Variants in SOX6 observed in about 807,000 individuals in gnomAD.
The protein encoded by SOX6 is transcription factor SOX-6.
Under a neutral mutation model 97.8 loss-of-function variants are expected in SOX6, and 11 were observed. The ratio of observed to expected loss-of-function variants is 0.11; its 90% CI spans 0.07 to 0.19. The LOEUF (loss-of-function observed/expected upper bound fraction) is 0.19. Among genes scored for constraint, SOX6 ranks in the 10% least tolerant of loss-of-function variants. The pLI, the probability that SOX6 is intolerant of heterozygous loss-of-function variation, is 1.00. For missense variants in SOX6, 810 were observed against 1,039.5 expected, an observed-to-expected ratio of 0.78 and a Z score of 3.04; for synonymous variants, 360 against 371.4, an observed-to-expected ratio of 0.97 and a Z score of 0.35.
At chr11:16,529,934 A>T (rs145990408) in intron 4 of SOX6, among the ~76,000 whole-genome samples, 1 of 152,188 alleles carries the variant, frequency 6.6e-6, no homozygotes, top group African/African-American at 2.4e-5. Flanking sequence ...GTGTGGGTGG[A>T]TAAAATGTAC....
intron 1 of SOX6, among the ~76,000 whole-genome samples, chr11:16,468,062 T>C (rs1041256107): frequency 3.3e-5 from 5 of 152,224 alleles, no homozygotes; most frequent in African/African-American, 1.2e-4. Flanking sequence ...TAGGGAAATA[T>C]TCAAATTTAT....
At chr11:16,519,796 G>A (rs1214264810) in intron 4 of SOX6, among the ~76,000 whole-genome samples, 1 of 152,058 alleles carries the variant, frequency 6.6e-6, no homozygotes, top group African/African-American at 2.4e-5. Context: ...TTTCCATAGA[G>A]GTTAATTTAC....
At chr11:16,295,643 C>T (rs992281431) in intron 3 of SOX6, among the ~76,000 whole-genome samples, 51 of 152,104 alleles carry the variant, frequency 3.4e-4, no homozygotes, top group Admixed American at 3.3e-3. Context: ...TCTAACCTTG[C>T]TGACCCCCTC....
At chr11:16,623,286 G>C (rs569204429) in intron 3 of SOX6, among the ~76,000 whole-genome samples, 1 of 152,280 alleles carries the variant, frequency 6.6e-6, no homozygotes, top group African/African-American at 2.4e-5. Flanking sequence ...CTCCCAAAGT[G>C]CTAGGATTAC....
intron 13 of SOX6, among the ~76,000 whole-genome samples, chr11:16,010,125 TACACACACACACACACAC>T (rs67556517): frequency 4.2e-4 from 57 of 135,574 alleles, no homozygotes; most frequent in African/African-American, 1.4e-3. Flanking sequence ...CAGTTGGAGC[TACACACACACACACACAC>T]ACACACACAC....
At chr11:16,302,548 A>ATTTTTTTT (rs367963089) in intron 3 of SOX6, among the ~76,000 whole-genome samples, 1 of 120,660 alleles carries the variant, frequency 8.3e-6, no homozygotes, top group Non-Finnish European at 1.7e-5. Flanking sequence ...CTTCTACAGC[A>ATTTTTTTT]TTTTTTTTTC....
chr11:16,079,546 TTAAATA>T, intron 9 of SOX6, among the ~76,000 whole-genome samples: 1 of 152,278 alleles, frequency 6.6e-6, no homozygotes, highest in Non-Finnish European at 1.5e-5. Flanking sequence ...CATAGATTTA[TTAAATA>T]TAAATTTCAT....
chr11:16,335,367 T>C (rs934690769), intron 2 of SOX6, among the ~76,000 whole-genome samples: 1 of 152,176 alleles, frequency 6.6e-6, no homozygotes, highest in African/African-American at 2.4e-5. Flanking sequence ...TACAGGTTTA[T>C]GGACTTTTTT....
chr11:16,291,270 TATATATAC>T (rs1854905660), intron 3 of SOX6, among the ~76,000 whole-genome samples: 3 of 68,778 alleles, frequency 4.4e-5, no homozygotes, highest in Admixed American at 1.7e-4. Flanking sequence ...TATATATATA[TATATATAC>T]GAGGTGTTGT....
intron 4 of SOX6, among the ~76,000 whole-genome samples, chr11:16,512,582 T>C (rs1860896596): frequency 1.3e-5 from 2 of 152,216 alleles, no homozygotes; most frequent in South Asian, 2.1e-4. Flanking sequence ...AATATATCTG[T>C]ATTATTTCTT....
intron 3 of SOX6, among the ~76,000 whole-genome samples, chr11:16,237,963 G>A (rs1853074664): frequency 6.6e-6 from 1 of 151,732 alleles, no homozygotes; most frequent in African/African-American, 2.4e-5. Context: ...ACCATAATAT[G>A]TACATATTTT....
intron 6 of SOX6, among the ~76,000 whole-genome samples, chr11:16,112,302 T>C (rs1024972788): frequency 6.6e-6 from 1 of 152,230 alleles, no homozygotes; most frequent in African/African-American, 2.4e-5. Flanking sequence ...CTTTGCATTC[T>C]GTGCTTTCTT....
At chr11:16,401,385 A>G (rs1415227980) in intron 1 of SOX6, among the ~76,000 whole-genome samples, 2 of 151,508 alleles carry the variant, frequency 1.3e-5, no homozygotes, top group Non-Finnish European at 3.0e-5. Context: ...TACCAAAAAA[A>G]ATCTTATGTG....
intron 12 of SOX6, among the ~76,000 whole-genome samples, chr11:16,033,193 T>C (rs1250524709): frequency 6.6e-6 from 1 of 152,214 alleles, no homozygotes; most frequent in East Asian, 1.9e-4. Flanking sequence ...TGACGTCATG[T>C]GGTTGCAAAC....
At chr11:16,371,888 T>A (rs1229164150) in intron 1 of SOX6, among the ~76,000 whole-genome samples, 2 of 152,082 alleles carry the variant, frequency 1.3e-5, no homozygotes, top group Admixed American at 1.3e-4. Flanking sequence ...ATTTTGGATT[T>A]TCAGATTAGG....
chr11:16,313,325 A>T lies in SOX6; in HGVS notation c.445+5121T>A, dbSNP rs540642239. 4 of 152,314 alleles carry T rather than the reference A, an allele frequency of 2.6e-5. No individual in the cohort carries two copies. In the South Asian group the frequency reaches 8.3e-4, roughly 32 times the overall value. The allele number at this position is 152,314 out of a possible 1,614,324, so 9.4% of individuals were successfully genotyped here. A position where few individuals can be genotyped will look rare whatever the true frequency, so the allele number is the denominator to read the frequency against. On this transcript the variant is annotated intron_variant, in intron 3 of 15. Coordinates refer to ENST00000683767, the MANE Select transcript of SOX6 (RefSeq NM_001367873.1). ...ATGAGGGAGAGGTATTTAGTCTGAT[A>T]AAGAGTAAAAATATTCTCCAGAACA...
chr11:16,559,622 A>G (rs1847786710), intron 4 of SOX6, among the ~76,000 whole-genome samples: 1 of 152,112 alleles, frequency 6.6e-6, no homozygotes, highest in Admixed American at 6.6e-5. Context: ...CACCCTTGGA[A>G]TTTGTGATTG....
At chr11:16,266,672 T>TTTA (rs1450435171) in intron 3 of SOX6, among the ~76,000 whole-genome samples, 2 of 151,554 alleles carry the variant, frequency 1.3e-5, no homozygotes, top group Non-Finnish European at 3.0e-5. Flanking sequence ...AAAGTATACG[T>TTTA]TTATTGTACT....
At chr11:16,175,909 T>C (rs1227217668) in intron 6 of SOX6, among the ~76,000 whole-genome samples, 1 of 151,940 alleles carries the variant, frequency 6.6e-6, no homozygotes, top group Non-Finnish European at 1.5e-5. Context: ...AAAAACTAAC[T>C]AAATTTATTT....
Sources: allele counts gnomAD v4.1 joint callset (sites outside exome capture counted in the v4.1 genomes callset), GRCh38; gene constraint gnomAD v4.1.1; transcripts MANE v1.5; gene names NCBI Gene and HGNC (gene_info 2026-07-23, HGNC 2026-07-21).